The following EYA4 variants were observed in gnomAD, a reference collection of about 807,000 sequenced individuals.
EYA4 encodes protein phosphatase EYA4.
In EYA4, 31 loss-of-function variants were observed where a neutral mutation model predicts 87.9. That is an observed-to-expected ratio of 0.35 (90% CI 0.27 to 0.48). The LOEUF is 0.48. Among genes scored for constraint, EYA4 ranks in the 20% least tolerant of loss-of-function variants. The pLI is 0.99. For synonymous variants in EYA4, 263 were observed against 270.6 expected (o/e 0.97, Z 0.28); for missense variants, 678 against 761.4 (o/e 0.89, Z 1.29).
chr6:133,284,361 A>G (rs899519719), intron 2 of EYA4, among the ~76,000 whole-genome samples: 40 of 152,052 alleles, frequency 2.6e-4, no homozygotes, highest in African/African-American at 8.7e-4. Flanking sequence ...TTTAGTGGAG[A>G]TGGGGTTTTG....
intron 11 of EYA4, among the ~76,000 whole-genome samples, chr6:133,477,547 TC>T: frequency 6.6e-6 from 1 of 152,164 alleles, no homozygotes; most frequent in Middle Eastern, 3.4e-3. Context: ...GCAAATATTT[TC>T]TCTCACTCTA....
intron 1 of EYA4, among the ~76,000 whole-genome samples, chr6:133,252,512 A>G (rs1014152197): frequency 6.6e-6 from 1 of 152,206 alleles, no homozygotes. Context: ...TATCTATGAA[A>G]TGATATATAA....
At chr6:133,390,902 A>G (rs1207087574) in intron 3 of EYA4, among the ~76,000 whole-genome samples, 1 of 152,198 alleles carries the variant, frequency 6.6e-6, no homozygotes, top group African/African-American at 2.4e-5. Context: ...TTGGGGGGCT[A>G]TAGCTGAATG....
At chr6:133,431,664 C>A (rs1369433056) in intron 3 of EYA4, among the ~76,000 whole-genome samples, 1 of 152,128 alleles carries the variant, frequency 6.6e-6, no homozygotes, top group Non-Finnish European at 1.5e-5. Context: ...TTATTGAGAT[C>A]AGTCTCCTTA....
chr6:133,482,161 G>C (rs1427155980), intron 12 of EYA4, among the ~76,000 whole-genome samples: 1 of 152,168 alleles, frequency 6.6e-6, no homozygotes, highest in Non-Finnish European at 1.5e-5. Context: ...AACATCAGTA[G>C]AAACTATTCT....
intron 1 of EYA4, among the ~76,000 whole-genome samples, chr6:133,270,850 G>C (rs945412343): frequency 3.9e-5 from 6 of 152,264 alleles, no homozygotes; most frequent in African/African-American, 1.4e-4. Context: ...GAAAGTCTGG[G>C]TCAGTCAGTC....
chr6:133,530,015 G>A lies in EYA4; in HGVS notation c.*1210G>A, dbSNP rs1800917335. 2 of 985,106 alleles carry A rather than the reference G, an allele frequency of 2.0e-6. No homozygotes were observed. Among genetic ancestry groups the A allele is most frequent in the Non-Finnish European group, 1.2e-6 (1 of 829,748 alleles). 61.0% of individuals were successfully genotyped at this position (985,106 alleles called of 1,614,324 possible). A position where few individuals can be genotyped will look rare whatever the true frequency, so the allele number is the denominator to read the frequency against. Reference sequence around the variant, plus strand: ...CAGGGCTTAAAATAAAGCTAAGTATGTTTATTCCCAATGCCATGGCAAAAA... The same window carrying A: ...CAGGGCTTAAAATAAAGCTAAGTATATTTATTCCCAATGCCATGGCAAAAA... On this transcript the variant is annotated 3_prime_UTR_variant, in exon 20 of 20. Transcript: ENST00000355286.
chr6:133,313,914 C>A (rs1780430345), intron 2 of EYA4, among the ~76,000 whole-genome samples: 1 of 151,990 alleles, frequency 6.6e-6, no homozygotes, highest in African/African-American at 2.4e-5. Context: ...CTGAGAGAGG[C>A]TGTGCATTGA....
At chr6:133,506,493 C>A (rs997253154) in intron 14 of EYA4, among the ~76,000 whole-genome samples, 1 of 152,160 alleles carries the variant, frequency 6.6e-6, no homozygotes, top group African/African-American at 2.4e-5. Context: ...AGCATTAGCT[C>A]TTCCAGATTA....
At chr6:133,388,172 T>C (rs763590369) in intron 3 of EYA4, among the ~76,000 whole-genome samples, 1 of 152,044 alleles carries the variant, frequency 6.6e-6, no homozygotes, top group East Asian at 1.9e-4. Flanking sequence ...TTTGGGAGGC[T>C]GAGGCGGGTG....
At position 133,464,794 on chromosome 6, in the gene EYA4, C is replaced by T. The variant is rs767398384; in HGVS notation, c.740C>T (p.Pro247Leu). Residue 247 changes from proline to leucine, a missense_variant, in exon 10 of 20, where the codon CCA becomes CTA. Pro to Leu is a moderately conservative substitution (Grantham distance 98). Coordinates refer to ENST00000355286, the MANE Select transcript of EYA4 (RefSeq NM_004100.5). ...SYQMPGSSFA[P>L]SSTIYANNSV... is the part of the protein sequence containing the mutation. The stretch of plus-strand genomic sequence containing the variant: ...TTACCTCTAGGTTCTAGTTTTGCAC[C>T]ATCATCTACTATTTATGCAAATAAT... 3 of 1,607,204 alleles carry T rather than the reference C, an allele frequency of 1.9e-6. No individual in the cohort carries two copies. In the East Asian group the frequency reaches 6.7e-5, roughly 36 times the overall value.
intron 10 of EYA4, among the ~76,000 whole-genome samples, chr6:133,466,822 G>GGGAA (rs1794888286): frequency 6.6e-6 from 1 of 151,914 alleles, no homozygotes; most frequent in South Asian, 2.1e-4. Context: ...GGGGGAAGTG[G>GGGAA]GGAAGCACAT....
chr6:133,327,447 T>A (rs1286460828), intron 2 of EYA4, among the ~76,000 whole-genome samples: 1 of 152,144 alleles, frequency 6.6e-6, no homozygotes, highest in African/African-American at 2.4e-5. Context: ...AATATTTTTT[T>A]AAGGAACCTT....
intron 1 of EYA4, among the ~76,000 whole-genome samples, chr6:133,270,320 G>C (rs1267730970): frequency 3.9e-5 from 6 of 152,082 alleles, no homozygotes; most frequent in Non-Finnish European, 8.8e-5. Flanking sequence ...TAATACAGCT[G>C]TCCTTTGTAT....
At chr6:133,406,165 C>G (rs563599692) in intron 3 of EYA4, among the ~76,000 whole-genome samples, 1 of 152,098 alleles carries the variant, frequency 6.6e-6, no homozygotes, top group Non-Finnish European at 1.5e-5. Flanking sequence ...TACCACCTAC[C>G]ATGGGCCAGG....
intron 13 of EYA4, among the ~76,000 whole-genome samples, chr6:133,494,630 G>T (rs913745847): frequency 1.3e-5 from 2 of 148,604 alleles, no homozygotes; most frequent in African/African-American, 4.9e-5. Context: ...TTGAGGCCAG[G>T]AGTTGGAGAT....
chr6:133,517,025 A>T (rs1427994720), intron 17 of EYA4, among the ~76,000 whole-genome samples: 2 of 152,198 alleles, frequency 1.3e-5, no homozygotes, highest in Non-Finnish European at 2.9e-5. Context: ...GCCTTTGGGT[A>T]TATACCCAGT....
rs138617340 is a variant in EYA4, at chr6:133,368,855, G to A, written c.34-13537G>A. On this transcript the variant is annotated intron_variant, in intron 2 of 19. Transcript: ENST00000355286. Reference sequence around the variant, plus strand: ...CTTCAGTTCCTAAAGCCATTGGGGCGTCTGTGTGCTGTCCAAACCTGAAAT... The same window carrying A: ...CTTCAGTTCCTAAAGCCATTGGGGCATCTGTGTGCTGTCCAAACCTGAAAT... Among the ~76,000 whole-genome samples, 493 of 152,294 alleles carry A rather than the reference G, an allele frequency of 3.2e-3. 4 individuals are homozygous for A. Among genetic ancestry groups the A allele is most frequent in the African/African-American group, 0.011 (460 of 41,568 alleles).
At chr6:133,324,035 G>A (rs1037355027) in intron 2 of EYA4, among the ~76,000 whole-genome samples, 2 of 152,050 alleles carry the variant, frequency 1.3e-5, no homozygotes, top group South Asian at 2.1e-4. Context: ...AGAAGTTTGA[G>A]TATTATTGAT....
Sources: gnomAD v4.1 joint callset for allele counts (sites outside exome capture counted in the v4.1 genomes callset) on GRCh38, gnomAD v4.1.1 for gene constraint, MANE v1.5 for transcripts, NCBI Gene and HGNC (gene_info 2026-07-23, HGNC 2026-07-21) for gene names.